Variants in IL12RB2 observed in about 807,000 individuals in gnomAD.
IL12RB2 encodes the protein interleukin 12 receptor subunit beta 2.
IL12RB2 carries 82 observed loss-of-function variants against 89.4 expected under a neutral mutation model. The observed-to-expected ratio is 0.92, with a 90% CI of 0.77 to 1.10. The LOEUF is 1.10. Among genes scored for constraint, IL12RB2 ranks in the 50% least tolerant of loss-of-function variants. The pLI, the probability that IL12RB2 is intolerant of heterozygous loss-of-function variation, is 0.00. For missense variants in IL12RB2, 963 were observed against 1,031.9 expected (o/e 0.93, Z 0.92); for synonymous variants, 368 against 370.1 (o/e 0.99, Z 0.07).
At chr1:67,362,560 G>A (rs1174022064) in intron 10 of IL12RB2, among the ~76,000 whole-genome samples, 2 of 117,032 alleles carry the variant, frequency 1.7e-5, no homozygotes, top group East Asian at 2.4e-4. Context: ...GCGACAGAGC[G>A]AGACTCCGTC....
chr1:67,382,056 A>G (rs1664658308), intron 14 of IL12RB2, among the ~76,000 whole-genome samples: 1 of 152,240 alleles, frequency 6.6e-6, no homozygotes, highest in Admixed American at 6.5e-5. Context: ...AACTTGTTCC[A>G]TCTGCCCAGA....
intron 4 of IL12RB2, 104 bp downstream of exon 4, chr1:67,321,993 T>C: frequency 2.0e-6 from 2 of 977,482 alleles, no homozygotes; most frequent in East Asian, 2.4e-5. Flanking sequence ...TTAATGTTCT[T>C]TCTTTTCCCA....
chr1:67,355,208 G>A (rs566135631), intron 10 of IL12RB2, among the ~76,000 whole-genome samples: 4 of 152,222 alleles, frequency 2.6e-5, no homozygotes, highest in African/African-American at 9.6e-5. Context: ...GAGGCCAGGA[G>A]TTCAAAACCA....
At chr1:67,322,919 G>T (rs564015983) in intron 4 of IL12RB2, among the ~76,000 whole-genome samples, 1 of 152,224 alleles carries the variant, frequency 6.6e-6, no homozygotes, top group African/African-American at 2.4e-5. Flanking sequence ...AATCCTATAA[G>T]CAAGCATGGG....
rs1663468339 is a variant in IL12RB2, at chr1:67,372,427, T to A, written c.1460-9T>A. 2 of 1,470,382 alleles carry A rather than the reference T, an allele frequency of 1.4e-6. No individual in the cohort carries two copies. The highest frequency in any genetic ancestry group is 2.3e-5 in the South Asian group (2 of 88,216). 91.1% of individuals were successfully genotyped at this position (1,470,382 alleles called of 1,614,324 possible). On this transcript the variant is annotated splice_polypyrimidine_tract_variant and intron_variant, in intron 11 of 16. Transcript: ENST00000674203. Reference sequence around the variant, plus strand: ...CACGGCTGTTATGGGAATTCCCTTTTCCTTGCAGAGAACATAAAATCCTAC... The same window carrying A: ...CACGGCTGTTATGGGAATTCCCTTTACCTTGCAGAGAACATAAAATCCTAC...
At chr1:67,377,756 C>T (rs1385579468) in intron 13 of IL12RB2, among the ~76,000 whole-genome samples, 2 of 145,502 alleles carry the variant, frequency 1.4e-5, no homozygotes, top group African/African-American at 5.1e-5. Context: ...GTCCTCAGCA[C>T]AGGTCACAGA....
intron 14 of IL12RB2, among the ~76,000 whole-genome samples, chr1:67,381,709 T>C (rs181010739): frequency 7.8e-4 from 113 of 145,180 alleles, no homozygotes; most frequent in African/African-American, 2.6e-3. Context: ...GAGCTTGCAG[T>C]GAGCCGAGAT....
rs111625864 is a variant in IL12RB2, at chr1:67,313,740, C to T, written c.-124-173C>T. On this transcript the variant is annotated intron_variant, in intron 1 of 16. Coordinates refer to ENST00000674203, the MANE Select transcript of IL12RB2 (RefSeq NM_001374259.2). ...GCTCAGGAGGTTGAGGCAAGAGAAT[C>T]GCTTGAACCCAGGAGGTGGAGGTTG... Among the ~76,000 whole-genome samples the T allele has an allele frequency of 7.0e-4, 106 of 152,248 alleles. 1 individual carries two copies. The highest frequency in any genetic ancestry group is 3.4e-3 in the Middle Eastern group (1 of 294).
At chr1:67,385,984 G>A (rs994797405) in intron 14 of IL12RB2, among the ~76,000 whole-genome samples, 2 of 152,054 alleles carry the variant, frequency 1.3e-5, no homozygotes, top group Non-Finnish European at 2.9e-5. Flanking sequence ...GCCGAGGCAG[G>A]CAGATCATGA....
intron 10 of IL12RB2, among the ~76,000 whole-genome samples, chr1:67,353,105 T>C (rs1005513659): frequency 6.6e-6 from 1 of 152,148 alleles, no homozygotes; most frequent in Non-Finnish European, 1.5e-5. Context: ...ACAACCTAAG[T>C]GTATAATAGT....
At chr1:67,393,398 C>T (rs534532000) in intron 16 of IL12RB2, among the ~76,000 whole-genome samples, 67 of 152,286 alleles carry the variant, frequency 4.4e-4, no homozygotes, top group African/African-American at 5.5e-4. Flanking sequence ...TTGTAAAAGC[C>T]GTGAGAGTTG....
chr1:67,374,359 A>G, intron 13 of IL12RB2, among the ~76,000 whole-genome samples: 1 of 152,206 alleles, frequency 6.6e-6, no homozygotes, highest in East Asian at 1.9e-4. Flanking sequence ...TAAGGAATCA[A>G]TTGATCTCTT....
chr1:67,315,010 T>C (rs533727639), intron 2 of IL12RB2, among the ~76,000 whole-genome samples: 1 of 152,322 alleles, frequency 6.6e-6, no homozygotes, highest in South Asian at 2.1e-4. Context: ...ACAGTAGGTT[T>C]CATTTTATTG....
chr1:67,346,405 T>TTC (rs1557429585), intron 9 of IL12RB2, among the ~76,000 whole-genome samples: 1 of 127,960 alleles, frequency 7.8e-6, no homozygotes, highest in African/African-American at 3.1e-5. Context: ...TTTTTTTTTT[T>TTC]CGACAGGTTC....
At chr1:67,359,980 G>A (rs1017096902) in intron 10 of IL12RB2, among the ~76,000 whole-genome samples, 5 of 152,114 alleles carry the variant, frequency 3.3e-5, no homozygotes, top group Non-Finnish European at 7.3e-5. Flanking sequence ...AACCAGTGCT[G>A]AGGTAAGAAA....
intron 6 of IL12RB2, 138 bp downstream of exon 6, chr1:67,328,522 C>T: frequency 6.8e-7 from 1 of 1,474,830 alleles, no homozygotes; most frequent in South Asian, 1.3e-5. Context: ...ATAGAAGTTA[C>T]TTTGATGCAA....
In IL12RB2 at chr1:67,321,714, C is replaced by T; in HGVS notation, c.189C>T (p.Ser63=). The T allele has an allele frequency of 6.2e-7, 1 of 1,611,094 alleles. No homozygotes were observed. The highest frequency in any genetic ancestry group is 8.5e-7 in the Non-Finnish European group (1 of 1,177,298). The change falls in exon 4 of 17, where the codon TCC becomes TCT. Residue 63 remains serine (S), a synonymous_variant. Coordinates refer to ENST00000674203, the MANE Select transcript of IL12RB2 (RefSeq NM_001374259.2). The stretch of plus-strand genomic sequence containing the variant: ...CCAGACAAGGCTGCTTTCACTATTC[C>T]AGACGTAACAAGTTAATCCTGTACA... ...LKPRQGCFHY[S]RRNKLILYKF... is the part of the protein sequence containing the mutation.
At chr1:67,380,333 A>G (rs1664441882) in intron 14 of IL12RB2, among the ~76,000 whole-genome samples, 1 of 152,236 alleles carries the variant, frequency 6.6e-6, no homozygotes, top group Admixed American at 6.5e-5. Flanking sequence ...TTCAAAATTT[A>G]TCGGAAATCC....
At chr1:67,371,306 A>G (rs1663275081) in intron 11 of IL12RB2, among the ~76,000 whole-genome samples, 1 of 152,180 alleles carries the variant, frequency 6.6e-6, no homozygotes, top group African/African-American at 2.4e-5. Context: ...TGGTTGCACA[A>G]CTGAGTTTTA....
Sources: gnomAD v4.1 joint callset for allele counts (sites outside exome capture counted in the v4.1 genomes callset) on GRCh38, gnomAD v4.1.1 for gene constraint, MANE v1.5 for transcripts, NCBI Gene and HGNC (gene_info 2026-07-23, HGNC 2026-07-21) for gene names.